The following ITGA1 variants were observed in gnomAD, a reference collection of about 807,000 sequenced individuals.
ITGA1 encodes the protein integrin subunit alpha 1, also known as integrin alpha-1.
ITGA1 carries 85 observed loss-of-function variants against 145.9 expected under a neutral mutation model. The observed-to-expected ratio is 0.58, with a 90% CI of 0.49 to 0.70. ITGA1 has a LOEUF of 0.70. Ranked by LOEUF, ITGA1 falls within the 30% of genes least tolerant of loss-of-function variation. The pLI, the probability that ITGA1 is intolerant of heterozygous loss-of-function variation, is 0.00. For synonymous variants in ITGA1, 520 were observed against 495.3 expected (o/e 1.05, Z -0.66); for missense variants, 1,351 against 1,418.7 (o/e 0.95, Z 0.77).
intron 11 of ITGA1, chr5:52,904,176 A>G (rs1330405369): frequency 2.0e-5 from 3 of 152,262 alleles, no homozygotes; most frequent in Non-Finnish European, 4.4e-5. Context: ...AGAGTGCTGA[A>G]AGTTTGTTGC....
At chr5:52,844,735 A>AT (rs1352465987) in intron 1 of ITGA1, among the ~76,000 whole-genome samples, 1 of 151,832 alleles carries the variant, frequency 6.6e-6, no homozygotes, top group Non-Finnish European at 1.5e-5. Context: ...ATTTCCCATT[A>AT]TTTTTTGTAT....
chr5:52,924,553 T>C (rs973934998), intron 18 of ITGA1, among the ~76,000 whole-genome samples: 6 of 151,862 alleles, frequency 4.0e-5, no homozygotes, highest in African/African-American at 1.4e-4. Context: ...GCACAAATTC[T>C]AAACTTTTGA....
chr5:52,955,165 A>T lies in ITGA1; in HGVS notation c.*2714A>T, dbSNP rs1040577957. The T allele has an allele frequency of 4.0e-5, 6 of 151,880 alleles. 1 individual carries two copies. The highest frequency in any genetic ancestry group is 1.4e-4 in the African/African-American group (6 of 41,456). The allele number at this position is 151,880 out of a possible 1,614,324, so 9.4% of individuals were successfully genotyped here. A position where few individuals can be genotyped will look rare whatever the true frequency, so the allele number is the denominator to read the frequency against. ...ACAACACACTGTCCAGGAGGGAAAAAAAAAACAGTCTCTGATTTGTATCAT... is the reference window on the plus strand; with the variant it reads ...ACAACACACTGTCCAGGAGGGAAAATAAAAACAGTCTCTGATTTGTATCAT... On this transcript the variant is annotated 3_prime_UTR_variant, in exon 29 of 29. Coordinates refer to ENST00000282588, the MANE Select transcript of ITGA1 (RefSeq NM_181501.2).
intron 9 of ITGA1, among the ~76,000 whole-genome samples, chr5:52,895,965 A>G (rs75832595): frequency 6.6e-6 from 1 of 152,190 alleles, no homozygotes; most frequent in Non-Finnish European, 1.5e-5. Context: ...AGCTGTGATT[A>G]TGAAATTTCT....
chr5:52,832,765 CTGTGTGTG>C (rs33977926), intron 1 of ITGA1, among the ~76,000 whole-genome samples: 91 of 86,778 alleles, frequency 1.0e-3, no homozygotes, highest in South Asian at 5.1e-3. Flanking sequence ...ATATATAAAT[CTGTGTGTG>C]TGTGTGTGTG....
chr5:52,927,743 CA>C (rs1225610989), intron 20 of ITGA1, 79 bp downstream of exon 20: 1 of 925,898 alleles, frequency 1.1e-6, no homozygotes, highest in Non-Finnish European at 1.7e-6. Context: ...TAAATCCTTC[CA>C]ATGGTAGTTT....
chr5:52,937,359 T>C (rs760814545), intron 23 of ITGA1, 42 bp from the exon 24 acceptor site: 6 of 1,295,512 alleles, frequency 4.6e-6, no homozygotes, highest in Non-Finnish European at 5.6e-6. Context: ...AGAATTCTAT[T>C]AAAAGAGGAA....
At chr5:52,828,037 A>G (rs984716949) in intron 1 of ITGA1, among the ~76,000 whole-genome samples, 3 of 152,198 alleles carry the variant, frequency 2.0e-5, no homozygotes, top group African/African-American at 7.2e-5. Context: ...CATTTCATGT[A>G]TCTATTTAGC....
At position 52,893,680 on chromosome 5, in the gene ITGA1, T is replaced by G. The variant is rs1340209726; in HGVS notation, c.930T>G (p.Leu310=). Residue 310 remains leucine, a synonymous_variant, in exon 9 of 29, where the codon CTT becomes CTG. Transcript: ENST00000282588. ...ENIQRFSIAI[L]GSYNRGNLST... The stretch of plus-strand genomic sequence containing the variant: ...CTGTTTCTGTTGTGTCTTAGATTCT[T>G]GGCAGCTATAACCGAGGAAATTTAA... The G allele has an allele frequency of 5.0e-6, 8 of 1,610,632 alleles. No individual in the cohort carries two copies. The highest frequency in any genetic ancestry group is 1.7e-4 in the Middle Eastern group (1 of 6,060).
intron 28 of ITGA1, 46 bp downstream of exon 28, chr5:52,947,507 C>A: frequency 1.9e-6 from 2 of 1,059,100 alleles, no homozygotes; most frequent in Non-Finnish European, 3.0e-6. Flanking sequence ...TCATCAACAG[C>A]AAACTGGAGA....
At chr5:52,914,757 C>G (rs1357881024) in intron 14 of ITGA1, among the ~76,000 whole-genome samples, 1 of 152,130 alleles carries the variant, frequency 6.6e-6, no homozygotes, top group South Asian at 2.1e-4. Flanking sequence ...GTTTGTAAGT[C>G]CTGACTGCTT....
intron 2 of ITGA1, among the ~76,000 whole-genome samples, chr5:52,854,460 A>T (rs1749476660): frequency 6.6e-6 from 1 of 152,026 alleles, no homozygotes; most frequent in Non-Finnish European, 1.5e-5. Context: ...TCCACCTTTT[A>T]TGAGCAAATC....
intron 1 of ITGA1, among the ~76,000 whole-genome samples, chr5:52,812,576 A>G (rs1009531207): frequency 3.3e-5 from 5 of 152,276 alleles, no homozygotes; most frequent in African/African-American, 1.2e-4. Flanking sequence ...GGACTAGAAA[A>G]TCTTGGATCT....
rs1561241442 is a variant in ITGA1 at position 52,898,219 on chromosome 5, CTT to C, written c.1165-19_1165-18del. On this transcript the variant is annotated intron_variant, in intron 10 of 28. Transcript: ENST00000282588. ...TATTATTTTTATTAAATATTATTATCTTATTTATTTGCATGTAAGGACTGGGT... is the reference window on the plus strand; with the variant it reads ...TATTATTTTTATTAAATATTATTATCATTTATTTGCATGTAAGGACTGGGT... 1 of 1,427,714 alleles carries C rather than the reference CTT, an allele frequency of 7.0e-7. No homozygotes were observed. Among genetic ancestry groups the C allele is most frequent in the East Asian group, 2.5e-5 (1 of 39,676 alleles). 88.4% of individuals were successfully genotyped at this position (1,427,714 alleles called of 1,614,324 possible).
chr5:52,887,136 A>G lies in ITGA1; in HGVS notation c.774-679A>G, dbSNP rs557831110. ...CTCTCAGCAGCCTGTGTGCTAACAC[A>G]TAGTTCAGGCCAAATGTTTTGTAAC... On this transcript the variant is annotated intron_variant, in intron 7 of 28. Coordinates refer to ENST00000282588, the MANE Select transcript of ITGA1 (RefSeq NM_181501.2). Among the ~76,000 whole-genome samples the G allele has an allele frequency of 9.5e-4, 144 of 152,250 alleles. 2 individuals carry two copies. The highest frequency in any genetic ancestry group is 6.8e-3 in the Middle Eastern group (2 of 294).
At chr5:52,891,624 A>T (rs552438470) in intron 8 of ITGA1, among the ~76,000 whole-genome samples, 110 of 151,026 alleles carry the variant, frequency 7.3e-4, no homozygotes, top group African/African-American at 2.6e-3. Context: ...GTAAAAACTA[A>T]TTTTTTTATT....
At chr5:52,912,754 ATT>A (rs10657085) in intron 14 of ITGA1, among the ~76,000 whole-genome samples, 13 of 139,408 alleles carry the variant, frequency 9.3e-5, no homozygotes, top group Admixed American at 3.6e-4. Flanking sequence ...ATATATATAT[ATT>A]TTTTTTTTGA....
rs544072105 is a variant in ITGA1 at position 52,900,864 on chromosome 5, C to T, written c.1309+2481C>T. ...CTGTGCCTGACACACAGTTAACACT[C>T]AATGGGTGTTGTCTATTATTTTATT... On this transcript the variant is annotated intron_variant, in intron 11 of 28. Transcript: ENST00000282588. Among the ~76,000 whole-genome samples, 11 of 152,270 alleles carry T rather than the reference C, an allele frequency of 7.2e-5. No individual in the cohort carries two copies. In the East Asian group the frequency reaches 1.9e-3, roughly 27 times the overall value.
rs1404722748 is a variant in ITGA1, at chr5:52,864,960, AT to A, written c.385-5del. On this transcript the variant is annotated splice_polypyrimidine_tract_variant and intron_variant, in intron 4 of 28. Coordinates refer to ENST00000282588, the MANE Select transcript of ITGA1 (RefSeq NM_181501.2). ...TCTAATGATTTCTAATTTTAAAACA[AT>A]TTTTTAAAGGCTTGTGGGCCCTTAT... is the stretch of plus-strand genomic sequence containing the variant. 3 of 1,596,906 alleles carry A rather than the reference AT, an allele frequency of 1.9e-6. No homozygotes were observed. Among genetic ancestry groups the A allele is most frequent in the African/African-American group, 2.7e-5 (2 of 73,766 alleles).
Sources: allele counts gnomAD v4.1 joint callset (sites outside exome capture counted in the v4.1 genomes callset), GRCh38; gene constraint gnomAD v4.1.1; transcripts MANE v1.5; gene names NCBI Gene and HGNC (gene_info 2026-07-23, HGNC 2026-07-21).